Variants in HMGXB3 observed in about 807,000 individuals in gnomAD.
HMGXB3 encodes the protein HMG domain-containing protein 3.
In HMGXB3, 45 loss-of-function variants were observed where a neutral mutation model predicts 121.5. The ratio of observed to expected loss-of-function variants is 0.37; its 90% confidence interval spans 0.29 to 0.47. The LOEUF is 0.47. HMGXB3 is among the 20% of genes least tolerant of loss of function. HMGXB3 has a pLI of 0.99. For synonymous variants in HMGXB3, 590 were observed against 624.1 expected, an observed-to-expected ratio of 0.95 and a Z score of 0.81; for missense variants, 1,376 against 1,602.2, an observed-to-expected ratio of 0.86 and a Z score of 2.41.
chr5:150,050,032 T>C (rs963754369), intron 18 of HMGXB3, among the ~76,000 whole-genome samples: 1 of 152,174 alleles, frequency 6.6e-6, no homozygotes, highest in African/African-American at 2.4e-5. Flanking sequence ...GAGGACAGGA[T>C]GCTCCCAGCT....
chr5:150,026,402 T>C (rs1756231285), intron 7 of HMGXB3, among the ~76,000 whole-genome samples: 2 of 152,246 alleles, frequency 1.3e-5, no homozygotes, highest in Admixed American at 6.5e-5. Context: ...GTTACAGCTA[T>C]AATAGCGATT....
At chr5:150,004,374 G>C (rs926157454) in intron 1 of HMGXB3, among the ~76,000 whole-genome samples, 3 of 152,190 alleles carry the variant, frequency 2.0e-5, no homozygotes, top group African/African-American at 7.2e-5. Flanking sequence ...CTACATGTTT[G>C]AGTGAATCAA....
At position 150,052,107 on chromosome 5, in the gene HMGXB3, C is replaced by A; in HGVS notation, c.3794C>A (p.Thr1265Asn). The stretch of plus-strand genomic sequence containing the variant: ...CCTGGTGAGGTGGTCATTCGTGACA[C>A]CCTCTACCGCCTTGGGGTTGCTCAG... Reference protein sequence around the residue: ...CQPGEVVIRDTLYRLGVAQIK... With the variant: ...CQPGEVVIRDNLYRLGVAQIK... The change falls in exon 20 of 20, where the codon ACC (threonine) becomes AAC (asparagine). Residue 1265 changes from threonine to asparagine, a missense_variant. Thr to Asn is a moderately conservative substitution (Grantham distance 65). Around this residue, in one of 2 missense-constraint regions of HMGXB3, gnomAD observed 260 missense variants for 233.2 expected, o/e 1.11. Coordinates refer to ENST00000502717, the MANE Select transcript of HMGXB3 (RefSeq NM_014983.3). The A allele has an allele frequency of 6.4e-7, 1 of 1,551,748 alleles. No individual in the cohort carries two copies. The highest frequency in any genetic ancestry group is 8.7e-7 in the Non-Finnish European group (1 of 1,147,036).
intron 13 of HMGXB3, among the ~76,000 whole-genome samples, chr5:150,040,015 C>G (rs1756590386): frequency 6.6e-6 from 1 of 152,182 alleles, no homozygotes; most frequent in Non-Finnish European, 1.5e-5. Flanking sequence ...CTTTGTTGTA[C>G]CCCTTACACA....
At chr5:150,046,798 C>T (rs1015888614) in intron 16 of HMGXB3, among the ~76,000 whole-genome samples, 4 of 151,772 alleles carry the variant, frequency 2.6e-5, no homozygotes, top group Admixed American at 6.6e-5. Flanking sequence ...GGCGACAGAG[C>T]GAGACTCCGT....
intron 2 of HMGXB3, 98 bp from the exon 3 acceptor site, chr5:150,006,375 A>T (rs1755701200): frequency 2.0e-6 from 2 of 1,003,260 alleles, no homozygotes; most frequent in Non-Finnish European, 2.9e-6. Flanking sequence ...TACTGGTTGA[A>T]TGAAGTCCTG....
At position 150,027,008 on chromosome 5, in the gene HMGXB3, T is replaced by C. The variant is rs2113744208; in HGVS notation, c.1637-12T>C. On this transcript the variant is annotated splice_polypyrimidine_tract_variant and intron_variant, in intron 8 of 19. Coordinates refer to ENST00000502717, the MANE Select transcript of HMGXB3 (RefSeq NM_014983.3). ...GCACTTAAGTCACCAGTTTGGCTCC[T>C]GGTTCTCTCAGATAAGACTCCCTCT... 2.6e-6 allele frequency: 4 copies of C among 1,551,220 alleles called. No individual in the cohort carries two copies. In the South Asian group the frequency reaches 3.6e-5, roughly 14 times the overall value.
chr5:150,005,598 CAA>C (rs760181326), intron 2 of HMGXB3, among the ~76,000 whole-genome samples: 31 of 81,996 alleles, frequency 3.8e-4, no homozygotes, highest in African/African-American at 4.3e-4. Flanking sequence ...AAACTCCTCT[CAA>C]AAAAAAAAAA....
At chr5:150,004,513 G>A (rs1447378701) in intron 1 of HMGXB3, among the ~76,000 whole-genome samples, 3 of 152,148 alleles carry the variant, frequency 2.0e-5, no homozygotes, top group Non-Finnish European at 2.9e-5. Context: ...AAATCTTTGT[G>A]TTAAAGGGGT....
chr5:150,039,738 T>C (rs1472722695), intron 13 of HMGXB3, among the ~76,000 whole-genome samples: 3 of 149,842 alleles, frequency 2.0e-5, no homozygotes, highest in South Asian at 4.1e-4. Context: ...TTGTACCTGG[T>C]GATTTCTGGG....
chr5:150,026,698 C>G lies in HMGXB3; in HGVS notation c.1461-8C>G, dbSNP rs1053720945. On this transcript the variant is annotated splice_polypyrimidine_tract_variant and splice_region_variant and intron_variant, in intron 7 of 19. Coordinates refer to ENST00000502717, the MANE Select transcript of HMGXB3 (RefSeq NM_014983.3). ...GAATTTCCAGATTTCTCTTCTTATT[C>G]TTTTCAGAGCTGACCTGCTTACCCC... 2.1e-5 allele frequency: 32 copies of G among 1,544,630 alleles called. 1 individual carries two copies. In the Admixed American group the frequency reaches 6.4e-4, roughly 31 times the overall value.
At chr5:150,047,217 G>A (rs968673842) in intron 16 of HMGXB3, among the ~76,000 whole-genome samples, 1 of 151,986 alleles carries the variant, frequency 6.6e-6, no homozygotes, top group Admixed American at 6.6e-5. Flanking sequence ...TTTTTAAGGT[G>A]CCCCCACATA....
At chr5:150,045,907 A>G (rs956807305) in intron 16 of HMGXB3, among the ~76,000 whole-genome samples, 1 of 152,232 alleles carries the variant, frequency 6.6e-6, no homozygotes, top group Non-Finnish European at 1.5e-5. Flanking sequence ...AGGGGCGCAC[A>G]GCTCATTGTC....
At chr5:150,016,340 CAAAA>C (rs34992392) in intron 5 of HMGXB3, among the ~76,000 whole-genome samples, 1 of 92,622 alleles carries the variant, frequency 1.1e-5, no homozygotes, top group African/African-American at 4.5e-5. Flanking sequence ...GACTCTGTCT[CAAAA>C]AAAAAAAAAA....
chr5:150,007,395 C>G (rs1755726494), intron 3 of HMGXB3, among the ~76,000 whole-genome samples: 1 of 152,144 alleles, frequency 6.6e-6, no homozygotes, highest in Admixed American at 6.5e-5. Context: ...GGAAGAATAA[C>G]CTTGCTGTTG....
chr5:150,043,212 A>C (rs919468679), intron 15 of HMGXB3, among the ~76,000 whole-genome samples: 1 of 152,254 alleles, frequency 6.6e-6, no homozygotes, highest in African/African-American at 2.4e-5. Context: ...TTTAGCAAAC[A>C]GAACAGTAGG....
intron 6 of HMGXB3, among the ~76,000 whole-genome samples, chr5:150,019,348 T>G (rs925014577): frequency 2.6e-5 from 4 of 152,202 alleles, no homozygotes; most frequent in Non-Finnish European, 4.4e-5. Flanking sequence ...TAACAATGTT[T>G]CTGTTTATGT....
At chr5:150,045,957 TA>T (rs570267539) in intron 16 of HMGXB3, among the ~76,000 whole-genome samples, 39 of 152,250 alleles carry the variant, frequency 2.6e-4, no homozygotes, top group African/African-American at 8.9e-4. Flanking sequence ...AGAACTCCTA[TA>T]AAAAATGCTG....
At position 150,045,665 on chromosome 5, in the gene HMGXB3, T is replaced by C. The variant is rs758543615; in HGVS notation, c.2930T>C (p.Leu977Pro). The change falls in exon 16 of 20, where the codon CTG becomes CCG. Residue 977 changes from leucine (L) to proline (P), a missense_variant. Leu to Pro is a moderately conservative substitution (Grantham distance 98, BLOSUM62 -3). Around this residue, in one of 2 missense-constraint regions of HMGXB3, gnomAD observed 1,116 missense variants for 1,369.0 expected, o/e 0.82. Transcript: ENST00000502717. ...GTCAACACTGAGAAAGACAAAAACCTGGATGTGCAGCCAGTACCTGGTAAG... is the reference window on the plus strand; with the variant it reads ...GTCAACACTGAGAAAGACAAAAACCCGGATGTGCAGCCAGTACCTGGTAAG... ...VVVNTEKDKN[L>P]DVQPVPGSGS... The C allele has an allele frequency of 2.6e-6, 4 of 1,551,638 alleles. No homozygotes were observed. Among genetic ancestry groups the C allele is most frequent in the Non-Finnish European group, 3.5e-6 (4 of 1,146,972 alleles).
Sources: gnomAD v4.1 joint callset for allele counts (sites outside exome capture counted in the v4.1 genomes callset) on GRCh38, gnomAD v4.1.1 for gene constraint, gnomAD v4.1.1 regional missense constraint, MANE v1.5 for transcripts, NCBI Gene and HGNC (gene_info 2026-07-23, HGNC 2026-07-21) for gene names.